CORO2B: variants seen among roughly 807,000 people sequenced by gnomAD.
CORO2B encodes coronin 2B.
Under a neutral mutation model 58.8 loss-of-function variants are expected in CORO2B, and 26 were observed. The observed-to-expected ratio is 0.44, with a 90% CI of 0.32 to 0.61. The LOEUF (loss-of-function observed/expected upper bound fraction) is 0.61, where lower values mean the gene tolerates loss of function less well. Among genes scored for constraint, CORO2B ranks in the 20% least tolerant of loss-of-function variants. The pLI is 0.04. For synonymous variants in CORO2B, 242 were observed against 253.8 expected, an observed-to-expected ratio of 0.95 and a Z score of 0.44; for missense variants, 460 against 645.1, an observed-to-expected ratio of 0.71 and a Z score of 3.11.
At chr15:68,576,152 CAAAAAAAAAAA>C (rs3985627), upstream of CORO2B, among the ~76,000 whole-genome samples, 11 of 62,192 alleles carry the variant, frequency 1.8e-4, no homozygotes, top group South Asian at 3.4e-3. Context: ...GACTACGTCG[CAAAAAAAAAAA>C]AAAAAAAAAA....
chr15:68,684,863 G>T (rs936705343), intron 2 of CORO2B, among the ~76,000 whole-genome samples: 2 of 152,194 alleles, frequency 1.3e-5, no homozygotes, highest in Non-Finnish European at 2.9e-5. Flanking sequence ...CCAGGACTCT[G>T]GGGGAGAAGG....
intron 3 of CORO2B, among the ~76,000 whole-genome samples, chr15:68,695,872 G>T (rs950496311): frequency 6.6e-6 from 1 of 151,962 alleles, no homozygotes; most frequent in African/African-American, 2.4e-5. Flanking sequence ...AACAGGGAGA[G>T]AACAGATAGG....
At position 68,610,115 on chromosome 15, in the gene CORO2B, G is replaced by A. The variant is rs527711474; in HGVS notation, c.15+30838G>A. ...AATATCGCTGAGCTCCTCTTAGGTA[G>A]TAGGCATTGAACGATGCAGAGATCT... is the stretch of plus-strand genomic sequence containing the variant. On this transcript the variant is annotated intron_variant, in intron 1 of 11. Transcript: ENST00000261861. Among the ~76,000 whole-genome samples, 3 of 152,304 alleles carry A rather than the reference G, an allele frequency of 2.0e-5. No individual in the cohort carries two copies. In the East Asian group the frequency reaches 5.8e-4, roughly 29 times the overall value.
intron 2 of CORO2B, among the ~76,000 whole-genome samples, chr15:68,662,350 T>A (rs1368706601): frequency 6.6e-6 from 1 of 152,248 alleles, no homozygotes; most frequent in African/African-American, 2.4e-5. Context: ...ATTTTCACAA[T>A]GAGATAAGGT....
chr15:68,632,615 G>T (rs763959067), intron 1 of CORO2B, among the ~76,000 whole-genome samples: 2 of 152,202 alleles, frequency 1.3e-5, no homozygotes, highest in Non-Finnish European at 1.5e-5. Context: ...TTTGGAGACA[G>T]AGTCTTGCTC....
upstream of CORO2B, among the ~76,000 whole-genome samples, chr15:68,576,173 A>AAAAAGAAAG (rs1555409381): frequency 6.5e-4 from 67 of 103,834 alleles, no homozygotes; most frequent in African/African-American, 2.7e-3. Context: ...AAAAAAAAAA[A>AAAAAGAAAG]AAAGAAAGAA....
At chr15:68,714,995 T>C (rs1260935828) in intron 7 of CORO2B, among the ~76,000 whole-genome samples, 1 of 152,074 alleles carries the variant, frequency 6.6e-6, no homozygotes, top group East Asian at 1.9e-4. Context: ...AAAGGCTGTC[T>C]ACACACACAC....
intron 7 of CORO2B, among the ~76,000 whole-genome samples, 173 bp from the exon 8 acceptor site, chr15:68,715,042 G>A (rs773310924): frequency 3.9e-5 from 6 of 152,002 alleles, no homozygotes; most frequent in Non-Finnish European, 7.4e-5. Context: ...CTCTCCACCC[G>A]CAGTGAGTCC....
chr15:68,622,571 C>T (rs1322825983), intron 1 of CORO2B, among the ~76,000 whole-genome samples: 1 of 152,216 alleles, frequency 6.6e-6, no homozygotes, highest in Non-Finnish European at 1.5e-5. Context: ...CCTCCCAACA[C>T]AGCAAATCCT....
chr15:68,632,345 G>T (rs147696343), intron 1 of CORO2B: 31 of 985,456 alleles, frequency 3.1e-5, no homozygotes, highest in Non-Finnish European at 3.7e-5. Flanking sequence ...CCACCTGGTA[G>T]GTAGCAGTGA....
chr15:68,719,164 C>T lies in CORO2B; in HGVS notation c.1101C>T (p.Asp367=), dbSNP rs1313482917. The T allele has an allele frequency of 1.2e-6, 2 of 1,614,118 alleles. No individual in the cohort carries two copies. Among genetic ancestry groups the T allele is most frequent in the East Asian group, 2.2e-5 (1 of 44,886 alleles). The change falls in exon 10 of 12, where the codon GAC becomes GAT. Residue 367 remains aspartate (D), a synonymous_variant. Transcript: ENST00000261861. ...TGTAGTCAGATTCCTACCAGGAAGA[C>T]ATTTACCCAATGACACCAGGCACGG... The part of the protein sequence containing the change: ...VPRRSDSYQE[D]IYPMTPGTEP...
chr15:68,648,330 TA>T (rs35889202), intron 2 of CORO2B, among the ~76,000 whole-genome samples: 47,512 of 113,404 alleles, frequency 0.42, 8,135 homozygotes, highest in Admixed American at 0.55. Context: ...AGATTCCAGC[TA>T]AAAAAAAAAA....
At chr15:68,568,583 CAT>C in the CORO2B span, among the ~76,000 whole-genome samples, 1 of 152,212 alleles carries the variant, frequency 6.6e-6, no homozygotes, top group African/African-American at 2.4e-5. Context: ...GATTTAAAAA[CAT>C]AATAGTACCA....
intron 1 of CORO2B, among the ~76,000 whole-genome samples, chr15:68,603,489 A>G (rs1566982527): frequency 6.6e-6 from 1 of 152,190 alleles, no homozygotes; most frequent in South Asian, 2.1e-4. Flanking sequence ...TTTAGGGCAG[A>G]GTTAGGGTGA....
At chr15:68,632,479 A>G (rs1345006216) in intron 1 of CORO2B, 8 of 969,012 alleles carry the variant, frequency 8.3e-6, no homozygotes, top group Non-Finnish European at 9.8e-6. Context: ...GGCTCTTAAG[A>G]TATTTTGTGG....
At chr15:68,628,562 C>T (rs939163530) in intron 1 of CORO2B, among the ~76,000 whole-genome samples, 1 of 152,202 alleles carries the variant, frequency 6.6e-6, no homozygotes, top group African/African-American at 2.4e-5. Flanking sequence ...AGTCAAGGGA[C>T]TTTACAATAG....
At chr15:68,698,611 G>GT (rs1892569188) in intron 3 of CORO2B, among the ~76,000 whole-genome samples, 4 of 152,164 alleles carry the variant, frequency 2.6e-5, no homozygotes, top group Non-Finnish European at 5.9e-5. Context: ...CTGGCTGCTG[G>GT]GGTCCAAAGA....
chr15:68,632,377 C>A, intron 1 of CORO2B: 1 of 985,414 alleles, frequency 1.0e-6, no homozygotes, highest in Non-Finnish European at 1.2e-6. Context: ...CAGCTCGGTC[C>A]AGTAGAGTTG....
chr15:68,579,719 C>T (rs1237080462), intron 1 of CORO2B, among the ~76,000 whole-genome samples: 1 of 152,206 alleles, frequency 6.6e-6, no homozygotes, highest in Non-Finnish European at 1.5e-5. Context: ...CCCCACCCCA[C>T]CTGCCAGCCT....
Sources: gnomAD v4.1 joint callset for allele counts (sites outside exome capture counted in the v4.1 genomes callset) on GRCh38, gnomAD v4.1.1 for gene constraint, MANE v1.5 for transcripts, NCBI Gene and HGNC (gene_info 2026-07-23, HGNC 2026-07-21) for gene names.